Variants in CNGB3 observed in about 807,000 individuals in gnomAD.
CNGB3 encodes cyclic nucleotide-gated channel beta-3.
Under a neutral mutation model 92.8 loss-of-function variants are expected in CNGB3, and 86 were observed. The ratio of observed to expected loss-of-function variants is 0.93; its 90% CI spans 0.78 to 1.11. CNGB3 has a LOEUF of 1.11. Ranked by LOEUF, CNGB3 falls within the 50% of genes least tolerant of loss-of-function variation. The pLI is 0.00. For missense variants in CNGB3, 1,026 were observed against 956.8 expected (o/e 1.07, Z -0.95); for synonymous variants, 333 against 332.7 (o/e 1.00, Z -0.01).
In CNGB3 at chr8:86,690,814, GA is replaced by G. The variant is rs568267856; in HGVS notation, c.339-19717del. 1.8e-4 allele frequency among the ~76,000 whole-genome samples: 28 copies of G among 152,186 alleles called. No homozygotes were observed. The East Asian group carries it at 4.0e-3, about 22-fold the overall frequency. On this transcript the variant is annotated intron_variant, in intron 3 of 17. Transcript: ENST00000320005. ...TTCCCAGCACCATTTATTAAATAGGGAATCCTTTCCCCATTTCTTGTTTTTG... is the reference window on the plus strand; with the variant it reads ...TTCCCAGCACCATTTATTAAATAGGGATCCTTTCCCCATTTCTTGTTTTTG...
In CNGB3 at chr8:86,578,831, T is replaced by C; in HGVS notation, c.1961A>G (p.Glu654Gly). The C allele has an allele frequency of 1.2e-6, 2 of 1,614,212 alleles. No individual in the cohort carries two copies. The highest frequency in any genetic ancestry group is 4.5e-5 in the East Asian group (2 of 44,882). ...AAGATCTTTTCTTGGAGGGGTTGCT[T>C]CTGCGGTCTTAGCCTTCTGCTTTAA... The part of the protein sequence containing the change: ...VLLKQKAKTA[E>G]ATPPRKDLAL... The change falls in exon 17 of 18, where the codon GAA becomes GGA. Residue 654 changes from glutamate (E) to glycine (G), a missense_variant. Physicochemically the swap from Glu to Gly is moderately conservative, Grantham distance 98 (BLOSUM62 -2). Coordinates refer to ENST00000320005, the MANE Select transcript of CNGB3 (RefSeq NM_019098.5).
At chr8:86,619,192 G>A (rs763647779) in intron 13 of CNGB3, among the ~76,000 whole-genome samples, 14 of 152,178 alleles carry the variant, frequency 9.2e-5, no homozygotes, top group Non-Finnish European at 1.9e-4. Context: ...ACTAGGTGGC[G>A]CAACAGAACT....
chr8:86,649,696 G>A (rs1823361273), intron 7 of CNGB3, among the ~76,000 whole-genome samples: 1 of 151,386 alleles, frequency 6.6e-6, no homozygotes, highest in Non-Finnish European at 1.5e-5. Flanking sequence ...CATAAAAATT[G>A]TTGAAGATAA....
At chr8:86,606,176 G>A (rs1191333804) in intron 14 of CNGB3, among the ~76,000 whole-genome samples, 3 of 133,816 alleles carry the variant, frequency 2.2e-5, no homozygotes, top group Non-Finnish European at 4.7e-5. Context: ...TTGAGACAGG[G>A]TCTTGCTCTG....
intron 15 of CNGB3, chr8:86,593,710 G>T (rs1304123695): frequency 2.4e-6 from 2 of 817,368 alleles, no homozygotes; most frequent in Non-Finnish European, 4.0e-6. Flanking sequence ...TGAGGGCCAG[G>T]CCTGTCGTCC....
At chr8:86,585,915 GCT>G (rs1291774658) in intron 15 of CNGB3, among the ~76,000 whole-genome samples, 2 of 152,158 alleles carry the variant, frequency 1.3e-5, no homozygotes, top group Non-Finnish European at 1.5e-5. Context: ...CAGATACCCA[GCT>G]CTCTCTTTGT....
intron 15 of CNGB3, among the ~76,000 whole-genome samples, chr8:86,582,455 C>T (rs993444359): frequency 1.3e-5 from 2 of 151,166 alleles, no homozygotes; most frequent in Admixed American, 6.6e-5. Context: ...AACCATAGAT[C>T]CAGGAAGATA....
intron 11 of CNGB3, among the ~76,000 whole-genome samples, chr8:86,632,198 C>CAAAAA (rs71275869): frequency 1.4e-5 from 1 of 70,556 alleles, no homozygotes; most frequent in African/African-American, 4.2e-5. Context: ...GACCCTGTCT[C>CAAAAA]AAAAAAAAAA....
intron 13 of CNGB3, among the ~76,000 whole-genome samples, chr8:86,624,996 A>G (rs1202834678): frequency 6.6e-6 from 1 of 152,104 alleles, no homozygotes; most frequent in Non-Finnish European, 1.5e-5. Flanking sequence ...CTCCTGCTAT[A>G]TAAGATGCCT....
intron 13 of CNGB3, among the ~76,000 whole-genome samples, chr8:86,615,880 T>C (rs956566173): frequency 6.6e-6 from 1 of 152,240 alleles, no homozygotes; most frequent in Non-Finnish European, 1.5e-5. Flanking sequence ...TGGGGAGAAC[T>C]GATGAAACTT....
At chr8:86,688,290 G>T (rs995256250) in intron 3 of CNGB3, among the ~76,000 whole-genome samples, 4 of 151,776 alleles carry the variant, frequency 2.6e-5, no homozygotes, top group African/African-American at 9.7e-5. Flanking sequence ...AAAACTACAC[G>T]GCACAAATCT....
intron 15 of CNGB3, among the ~76,000 whole-genome samples, chr8:86,592,396 G>A (rs1350765030): frequency 1.3e-5 from 2 of 152,304 alleles, no homozygotes; most frequent in Admixed American, 1.3e-4. Flanking sequence ...TGCTTACTAT[G>A]AGCGAGATAT....
At position 86,658,385 on chromosome 8, in the gene CNGB3, G is replaced by A. The variant is rs73273305; in HGVS notation, c.853-4323C>T. On this transcript the variant is annotated intron_variant, in intron 6 of 17. Coordinates refer to ENST00000320005, the MANE Select transcript of CNGB3 (RefSeq NM_019098.5). Reference sequence around the variant, plus strand: ...CTCCTTCCCCATGGAGAGCCATGAGGGTCAGCTGGGCCTGTGGCTGCTACT... The same window carrying A: ...CTCCTTCCCCATGGAGAGCCATGAGAGTCAGCTGGGCCTGTGGCTGCTACT... 4.1e-3 allele frequency: 1,799 copies of A among 439,970 alleles called. 25 individuals carry two copies. The highest frequency in any genetic ancestry group is 0.034 in the African/African-American group (1,660 of 48,816). 27.3% of individuals were successfully genotyped at this position (439,970 alleles called of 1,614,324 possible).
At chr8:86,727,683 G>A (rs553899048) in intron 2 of CNGB3, among the ~76,000 whole-genome samples, 23 of 152,010 alleles carry the variant, frequency 1.5e-4, no homozygotes, top group South Asian at 4.2e-4. Context: ...ATGTAGAAGC[G>A]GAAAAGAAAA....
chr8:86,698,409 T>G (rs979661812), intron 3 of CNGB3, among the ~76,000 whole-genome samples: 25 of 152,224 alleles, frequency 1.6e-4, no homozygotes, highest in African/African-American at 6.0e-4. Flanking sequence ...CATTTCAACC[T>G]TGTACTTGGT....
intron 6 of CNGB3, chr8:86,657,429 A>G: frequency 2.0e-6 from 1 of 502,336 alleles, no homozygotes; most frequent in Non-Finnish European, 4.0e-6. Context: ...TGATAGAAAA[A>G]TGGAATGCAG....
In CNGB3 at chr8:86,651,006, C is replaced by T. The variant is rs149785370; in HGVS notation, c.903+3006G>A. On this transcript the variant is annotated intron_variant, in intron 7 of 17. Coordinates refer to ENST00000320005, the MANE Select transcript of CNGB3 (RefSeq NM_019098.5). ...CATAAAAAGGAATCAATGTCTTTTG[C>T]AGCAACTTGGATGGAGCTGGAGGCC... is the stretch of plus-strand genomic sequence containing the variant. Among the ~76,000 whole-genome samples, 671 of 151,908 alleles carry T rather than the reference C, an allele frequency of 4.4e-3. 3 individuals are homozygous for T. Among genetic ancestry groups the T allele is most frequent in the African/African-American group, 0.015 (633 of 41,522 alleles).
rs201256873 is a variant in CNGB3 at position 86,589,825 on chromosome 8, G to C, written c.1782-10573C>G. Among the ~76,000 whole-genome samples the C allele has an allele frequency of 1.5e-3, 232 of 152,014 alleles. 4 individuals are homozygous for C. In the East Asian group the frequency reaches 0.042, roughly 28 times the overall value. Reference sequence around the variant, plus strand: ...AAAAATGTATATTCTGTTGATTTGGGGTGGAGAGTTCTGTAGATGTCTATT... The same window carrying C: ...AAAAATGTATATTCTGTTGATTTGGCGTGGAGAGTTCTGTAGATGTCTATT... On this transcript the variant is annotated intron_variant, in intron 15 of 17. Coordinates refer to ENST00000320005, the MANE Select transcript of CNGB3 (RefSeq NM_019098.5).
rs765866760 is a variant in CNGB3, at chr8:86,666,980, T to C, written c.797A>G (p.Tyr266Cys). Residue 266 changes from tyrosine to cysteine, a missense_variant, in exon 6 of 18, where the codon TAT becomes TGT. Tyr to Cys is a radical substitution (Grantham distance 194, BLOSUM62 -2). Coordinates refer to ENST00000320005, the MANE Select transcript of CNGB3 (RefSeq NM_019098.5). ...TCTGGGCTGGATAAATAGCATATCATAAAGGTAGATGATATCACATATGAT... is the reference window on the plus strand; with the variant it reads ...TCTGGGCTGGATAAATAGCATATCACAAAGGTAGATGATATCACATATGAT... ...ADIICDIIYL[Y>C]DMLFIQPRLQ... 74 of 1,613,582 alleles carry C rather than the reference T, an allele frequency of 4.6e-5. No individual in the cohort carries two copies. The highest frequency in any genetic ancestry group is 6.1e-5 in the Non-Finnish European group (72 of 1,180,002).
Sources: gnomAD v4.1 joint callset for allele counts (sites outside exome capture counted in the v4.1 genomes callset) on GRCh38, gnomAD v4.1.1 for gene constraint, MANE v1.5 for transcripts, NCBI Gene and HGNC (gene_info 2026-07-23, HGNC 2026-07-21) for gene names.